SCN8A: variants seen among roughly 807,000 people sequenced by gnomAD.
The protein encoded by SCN8A is sodium voltage-gated channel alpha subunit 8.
Under a neutral mutation model 184.1 loss-of-function variants are expected in SCN8A, and 30 were observed. That is an observed-to-expected ratio of 0.16 (90% confidence interval 0.12 to 0.22). The LOEUF is 0.22. Ranked by LOEUF, SCN8A falls within the 10% of genes least tolerant of loss-of-function variation. The probability of loss-of-function intolerance (pLI) is 1.00; values close to 1 mark genes in which losing one functional copy is unlikely to be tolerated. For missense variants in SCN8A, 1,057 were observed against 2,498.9 expected (o/e 0.42, Z 12.30); for synonymous variants, 852 against 907.0 (o/e 0.94, Z 1.09).
intron 1 of SCN8A, among the ~76,000 whole-genome samples, chr12:51,646,975 A>G (rs1324297239): frequency 6.6e-6 from 1 of 152,234 alleles, no homozygotes; most frequent in African/African-American, 2.4e-5. Context: ...GGATACATTT[A>G]TAATAATTGT....
chr12:51,603,852 C>T (rs1381311677), intron 1 of SCN8A, among the ~76,000 whole-genome samples: 1 of 150,904 alleles, frequency 6.6e-6, no homozygotes, highest in Non-Finnish European at 1.5e-5. Flanking sequence ...CTCTGTGTAT[C>T]TTTGTGAAGT....
At chr12:51,627,928 A>G (rs578055618) in intron 1 of SCN8A, among the ~76,000 whole-genome samples, 1 of 152,214 alleles carries the variant, frequency 6.6e-6, no homozygotes, top group Non-Finnish European at 1.5e-5. Context: ...CTATTTGTTG[A>G]TTCATTGATA....
intron 12 of SCN8A, among the ~76,000 whole-genome samples, chr12:51,741,406 A>G (rs1366197019): frequency 6.6e-6 from 1 of 151,966 alleles, no homozygotes; most frequent in Middle Eastern, 3.2e-3. Context: ...TTATTTTTTC[A>G]TGCATTTAGC....
At chr12:51,592,895 C>CT (rs1939260707) in intron 1 of SCN8A, among the ~76,000 whole-genome samples, 2 of 151,964 alleles carry the variant, frequency 1.3e-5, no homozygotes, top group Admixed American at 1.3e-4. Flanking sequence ...CTGCACTTCT[C>CT]TTTTCTCCAC....
At chr12:51,652,101 CA>C (rs1470725529) in intron 1 of SCN8A, among the ~76,000 whole-genome samples, 1 of 151,928 alleles carries the variant, frequency 6.6e-6, no homozygotes, top group East Asian at 1.9e-4. Context: ...TTGGAGGTAC[CA>C]AAGCACCTCA....
chr12:51,722,187 C>G, intron 12 of SCN8A: 1 of 556,212 alleles, frequency 1.8e-6, no homozygotes, highest in Non-Finnish European at 3.2e-6. Flanking sequence ...CTCCTTGTTT[C>G]TGACATTCCT....
At chr12:51,605,706 C>T (rs1352750814) in intron 1 of SCN8A, among the ~76,000 whole-genome samples, 1 of 152,194 alleles carries the variant, frequency 6.6e-6, no homozygotes, top group Non-Finnish European at 1.5e-5. Flanking sequence ...TTTACGTTCC[C>T]ACCAGCAATG....
chr12:51,662,974 C>A lies in SCN8A; in HGVS notation c.157C>A (p.Pro53Thr). The A allele has an allele frequency of 6.2e-7, 1 of 1,614,028 alleles. No individual in the cohort carries two copies. The highest frequency in any genetic ancestry group is 8.5e-7 in the Non-Finnish European group (1 of 1,179,900). ...SHREDDEDSK[P>T]KPNSDLEAGK... The stretch of plus-strand genomic sequence containing the variant: ...TCGGGAGGACGATGAGGACAGCAAG[C>A]CCAAGCCAAACAGCGACCTGGAAGC... The change falls in exon 2 of 27, where the codon CCC becomes ACC. Residue 53 changes from proline (P) to threonine (T), a missense_variant. By Grantham distance (38) the Pro-to-Thr change is conservative. Coordinates refer to ENST00000627620, the MANE Select transcript of SCN8A (RefSeq NM_001330260.2).
intron 14 of SCN8A, 28 bp from the exon 15 acceptor site, chr12:51,762,475 T>C: frequency 1.2e-6 from 2 of 1,606,142 alleles, no homozygotes; most frequent in Non-Finnish European, 1.7e-6. Context: ...CTATTTATTT[T>C]TCTTACCCCC....
chr12:51,785,900 G>A (rs992344286), intron 21 of SCN8A, among the ~76,000 whole-genome samples: 6 of 152,158 alleles, frequency 3.9e-5, no homozygotes, highest in Admixed American at 6.5e-5. Flanking sequence ...AGAATAAAAA[G>A]GCTGGAGAAG....
At chr12:51,773,072 G>A (rs981970244) in intron 19 of SCN8A, among the ~76,000 whole-genome samples, 9 of 151,376 alleles carry the variant, frequency 5.9e-5, no homozygotes, top group South Asian at 2.1e-4. Context: ...AGCTGAGATC[G>A]CACCACTGCA....
intron 1 of SCN8A, among the ~76,000 whole-genome samples, chr12:51,645,193 G>A (rs1166701184): frequency 2.7e-5 from 4 of 147,034 alleles, no homozygotes; most frequent in South Asian, 2.2e-4. Context: ...CGCCCTGTCC[G>A]GGAGGGAGGT....
Position 51,786,503 on chromosome 12 carries a change from T to C in SCN8A, c.3943-39T>C, listed in dbSNP as rs139720549. The C allele has an allele frequency of 7.7e-4, 1,235 of 1,611,820 alleles. 9 individuals carry two copies. In the African/African-American group the frequency reaches 0.015, roughly 19 times the overall value. On this transcript the variant is annotated intron_variant, in intron 21 of 26. Coordinates refer to ENST00000627620, the MANE Select transcript of SCN8A (RefSeq NM_001330260.2). ...AAATCAAAAAATGTGCTTGCTCTCA[T>C]TTCCACCCAACACTGAGCAACCTCC...
chr12:51,679,749 G>A (rs759875694), intron 2 of SCN8A, among the ~76,000 whole-genome samples: 25 of 115,212 alleles, frequency 2.2e-4, no homozygotes, highest in Non-Finnish European at 3.1e-4. Flanking sequence ...TTTTTGAGAC[G>A]GAGTCTCGCT....
At chr12:51,768,207 A>G (rs1170648647) in intron 16 of SCN8A, 4 of 152,248 alleles carry the variant, frequency 2.6e-5, no homozygotes, top group South Asian at 2.1e-4. Flanking sequence ...ATTAACCTTA[A>G]TGTTCAATGT....
chr12:51,798,169 C>T (rs1046562869), intron 26 of SCN8A, among the ~76,000 whole-genome samples: 1 of 152,224 alleles, frequency 6.6e-6, no homozygotes, highest in Admixed American at 6.5e-5. Context: ...TTCCACCATG[C>T]TATCAATCCA....
intron 1 of SCN8A, among the ~76,000 whole-genome samples, chr12:51,645,308 G>A (rs1260921408): frequency 2.0e-5 from 3 of 146,566 alleles, no homozygotes; most frequent in Non-Finnish European, 4.5e-5. Context: ...TGCCCGGCCA[G>A]CCGCCCCGTC....
intron 11 of SCN8A, among the ~76,000 whole-genome samples, chr12:51,711,678 G>T (rs1278312522): frequency 1.4e-5 from 2 of 146,768 alleles, no homozygotes; most frequent in African/African-American, 2.5e-5. Flanking sequence ...GTTCAGTTAT[G>T]TGTCAGTTTC....
chr12:51,735,019 G>GT (rs1175327780), intron 12 of SCN8A, among the ~76,000 whole-genome samples: 1 of 152,148 alleles, frequency 6.6e-6, no homozygotes, highest in Non-Finnish European at 1.5e-5. Context: ...AGTTTGTAGA[G>GT]TGTCTTTGTA....
Sources: gnomAD v4.1 joint callset for allele counts (sites outside exome capture counted in the v4.1 genomes callset) on GRCh38, gnomAD v4.1.1 for gene constraint, MANE v1.5 for transcripts, NCBI Gene and HGNC (gene_info 2026-07-23, HGNC 2026-07-21) for gene names.